The following ETV6 variants were observed in gnomAD, a reference collection of about 807,000 sequenced individuals.
ETV6 encodes transcription factor ETV6.
Under a neutral mutation model 51.1 loss-of-function variants are expected in ETV6, and 16 were observed. That is an observed-to-expected ratio of 0.31 (90% CI 0.21 to 0.48). ETV6 has a LOEUF of 0.48. ETV6 is among the 20% of genes least tolerant of loss of function. ETV6 has a pLI of 0.99. For missense variants in ETV6, 458 were observed against 594.8 expected, an observed-to-expected ratio of 0.77 and a Z score of 2.39; for synonymous variants, 240 against 224.1, an observed-to-expected ratio of 1.07 and a Z score of -0.64.
intron 2 of ETV6, among the ~76,000 whole-genome samples, chr12:11,784,490 C>T (rs191568556): frequency 6.6e-6 from 1 of 150,384 alleles, no homozygotes; most frequent in African/African-American, 2.4e-5. Flanking sequence ...CAGAATTTAA[C>T]ACAGGAGGAG....
chr12:11,704,061 A>G (rs1370000613), intron 1 of ETV6, among the ~76,000 whole-genome samples: 1 of 152,226 alleles, frequency 6.6e-6, no homozygotes, highest in African/African-American at 2.4e-5. Flanking sequence ...CTTTAGTTGA[A>G]ATTATTACAA....
At chr12:11,759,628 T>G (rs750040969) in intron 2 of ETV6, among the ~76,000 whole-genome samples, 1 of 152,220 alleles carries the variant, frequency 6.6e-6, no homozygotes, top group Non-Finnish European at 1.5e-5. Context: ...TCCTCTTGGA[T>G]TTTCCCAACC....
intron 1 of ETV6, among the ~76,000 whole-genome samples, chr12:11,720,123 A>G (rs1865355006): frequency 6.6e-6 from 1 of 152,196 alleles, no homozygotes; most frequent in African/African-American, 2.4e-5. Flanking sequence ...GTGATTATAG[A>G]AGGGGAAAGA....
In ETV6 at chr12:11,869,687, A is replaced by C. The variant is rs1438953279; in HGVS notation, c.727A>C (p.Asn243His). 1 of 1,614,092 alleles carries C rather than the reference A, an allele frequency of 6.2e-7. No homozygotes were observed. Among genetic ancestry groups the C allele is most frequent in the Admixed American group, 1.7e-5 (1 of 60,012 alleles). The change falls in exon 5 of 8, where the codon AAT becomes CAT. Residue 243 changes from asparagine (N) to histidine (H), a missense_variant. By Grantham distance (68) the Asn-to-His change is moderately conservative. This residue lies in a region of ETV6 where 293 missense variants were observed against 315.7 expected (regional missense o/e 0.93). Coordinates refer to ENST00000396373, the MANE Select transcript of ETV6 (RefSeq NM_001987.5). The surrounding 1 kb of genome is among the most constrained non-coding windows in gnomAD (Gnocchi z 5.0). ...YPLSVSPMEN[N>H]HCPASSESHP... is the part of the protein sequence containing the mutation. ...TCTGTCAGTGTCTCCCATGGAGAATAATCACTGCCCAGCGTCCTCCGAGTC... is the reference window on the plus strand; with the variant it reads ...TCTGTCAGTGTCTCCCATGGAGAATCATCACTGCCCAGCGTCCTCCGAGTC...
chr12:11,704,796 T>G (rs1047332968), intron 1 of ETV6, among the ~76,000 whole-genome samples: 4 of 152,078 alleles, frequency 2.6e-5, no homozygotes, highest in Admixed American at 6.5e-5. Flanking sequence ...TGTGTGTGTG[T>G]GGGACAAGAA....
At position 11,853,557 on chromosome 12, in the gene ETV6, A is replaced by C. The variant is rs1456536277; in HGVS notation, c.459A>C (p.Glu153Asp). The change falls in exon 4 of 8, where the codon GAA (glutamate) becomes GAC (aspartate). Residue 153 changes from glutamate (E) to aspartate (D), a missense_variant. This residue lies in a region of ETV6 where 293 missense variants were observed against 315.7 expected (regional missense o/e 0.93). Transcript: ENST00000396373. The stretch of plus-strand genomic sequence containing the variant: ...AGGTCATACTGCATCAGAACCATGA[A>C]GAAGGTACTGGAAGAGGTTTCTCTT... ...QPEVILHQNH[E>D]EDNCVQRTPR... is the part of the protein sequence containing the mutation. 1 of 1,614,232 alleles carries C rather than the reference A, an allele frequency of 6.2e-7. No individual in the cohort carries two copies. Among genetic ancestry groups the C allele is most frequent in the Non-Finnish European group, 8.5e-7 (1 of 1,180,036 alleles).
chr12:11,740,124 C>T (rs1352091761), intron 1 of ETV6, among the ~76,000 whole-genome samples: 71 of 152,190 alleles, frequency 4.7e-4, no homozygotes, highest in East Asian at 1.9e-4. Context: ...TACATTCGTG[C>T]GTAGTACGAA....
chr12:11,868,965 G>A (rs1368310072), intron 4 of ETV6, among the ~76,000 whole-genome samples: 1 of 152,072 alleles, frequency 6.6e-6, no homozygotes, highest in Non-Finnish European at 1.5e-5. Context: ...GGCCAGGCGC[G>A]GTGGCTCACG....
In ETV6 at chr12:11,884,306, G is replaced by A. The variant is rs1205175272; in HGVS notation, c.1010-139G>A. Reference sequence around the variant, plus strand: ...CTTTCTGGGCCTCCGTTTCTTCCCGGTAAAACAAGGAAGTTAGTTAGACAA... The same window carrying A: ...CTTTCTGGGCCTCCGTTTCTTCCCGATAAAACAAGGAAGTTAGTTAGACAA... On this transcript the variant is annotated intron_variant, in intron 5 of 7. Coordinates refer to ENST00000396373, the MANE Select transcript of ETV6 (RefSeq NM_001987.5). 9 of 966,438 alleles carry A rather than the reference G, an allele frequency of 9.3e-6. No individual in the cohort carries two copies. The East Asian group carries it at 1.5e-4, about 16-fold the overall frequency. The allele number at this position is 966,438 out of a possible 1,614,324, so 59.9% of individuals were successfully genotyped here. A position where few individuals can be genotyped will look rare whatever the true frequency, so the allele number is the denominator to read the frequency against.
intron 1 of ETV6, among the ~76,000 whole-genome samples, chr12:11,745,236 G>A (rs1865886017): frequency 6.6e-6 from 1 of 152,198 alleles, no homozygotes; most frequent in South Asian, 2.1e-4. Flanking sequence ...CCAGCATCTT[G>A]CAGTTATACG....
chr12:11,770,520 C>T (rs1017732859), intron 2 of ETV6, among the ~76,000 whole-genome samples: 2 of 152,132 alleles, frequency 1.3e-5, no homozygotes, highest in African/African-American at 4.8e-5. Context: ...TTCTGGAATT[C>T]CTGACAGAGA....
chr12:11,691,610 GACTT>G (rs780779571), intron 1 of ETV6, among the ~76,000 whole-genome samples: 15 of 152,054 alleles, frequency 9.9e-5, no homozygotes, highest in Non-Finnish European at 2.2e-4. Context: ...AATCTTTTGG[GACTT>G]ACTTTTTTAC....
intron 2 of ETV6, among the ~76,000 whole-genome samples, chr12:11,771,831 C>CAAT (rs1945245326): frequency 6.6e-6 from 1 of 152,182 alleles, no homozygotes; most frequent in Non-Finnish European, 1.5e-5. Flanking sequence ...ATCAGACTTG[C>CAAT]ATAGCAAAGA....
At chr12:11,656,723 C>G (rs898828631) in intron 1 of ETV6, among the ~76,000 whole-genome samples, 2 of 152,148 alleles carry the variant, frequency 1.3e-5, no homozygotes, top group African/African-American at 4.8e-5. Flanking sequence ...CTTCATGAAG[C>G]GGTTGGAAAT....
At position 11,890,935 on chromosome 12, in the gene ETV6, C is replaced by T. The variant is rs780009080; in HGVS notation, c.1254-6C>T. 1 of 1,611,674 alleles carries T rather than the reference C, an allele frequency of 6.2e-7. No homozygotes were observed. The highest frequency in any genetic ancestry group is 8.5e-7 in the Non-Finnish European group (1 of 1,177,940). ...TCTCTTACCTCCTCCACTTCTTCTT[C>T]CAAAGGTTTATGAAAACCCCAGATG... On this transcript the variant is annotated splice_region_variant and splice_polypyrimidine_tract_variant and intron_variant, in intron 7 of 7. Coordinates refer to ENST00000396373, the MANE Select transcript of ETV6 (RefSeq NM_001987.5).
chr12:11,829,874 A>T (rs979926553), intron 2 of ETV6, among the ~76,000 whole-genome samples: 6 of 152,206 alleles, frequency 3.9e-5, no homozygotes, highest in African/African-American at 1.4e-4. Context: ...GGAACTTCCA[A>T]TTCCCTAGTG....
At chr12:11,804,983 A>T (rs115130969) in intron 2 of ETV6, among the ~76,000 whole-genome samples, 2 of 152,124 alleles carry the variant, frequency 1.3e-5, no homozygotes, top group African/African-American at 4.8e-5. Flanking sequence ...GAGTTCCCCT[A>T]TATTCCAGAG....
At chr12:11,744,680 T>C (rs1414500781) in intron 1 of ETV6, among the ~76,000 whole-genome samples, 1 of 152,186 alleles carries the variant, frequency 6.6e-6, no homozygotes, top group Non-Finnish European at 1.5e-5. Context: ...CTCTATATCA[T>C]GGCAGGGATT....
At chr12:11,825,484 G>T (rs1272982850) in intron 2 of ETV6, among the ~76,000 whole-genome samples, 1 of 152,166 alleles carries the variant, frequency 6.6e-6, no homozygotes. Flanking sequence ...TCCTGTCTCT[G>T]CCCCTGTCTT....
Sources: allele counts gnomAD v4.1 joint callset (sites outside exome capture counted in the v4.1 genomes callset), GRCh38; gene constraint gnomAD v4.1.1; regional missense constraint gnomAD v4.1.1; non-coding constraint Gnocchi (gnomAD v3.1); transcripts MANE v1.5; gene names NCBI Gene and HGNC (gene_info 2026-07-23, HGNC 2026-07-21).